ASTN2: variants seen among roughly 807,000 people sequenced by gnomAD.
ASTN2 encodes the protein astrotactin-2.
A neutral mutation model predicts 139.8 loss-of-function variants in ASTN2; 54 were observed. That is an observed-to-expected ratio of 0.39 (90% CI 0.31 to 0.48). The LOEUF (loss-of-function observed/expected upper bound fraction) is 0.48. Ranked by LOEUF, ASTN2 falls within the 20% of genes least tolerant of loss-of-function variation. The pLI is 0.95. For missense variants in ASTN2, 1,565 were observed against 1,725.1 expected, an observed-to-expected ratio of 0.91 and a Z score of 1.64; for synonymous variants, 756 against 719.5, an observed-to-expected ratio of 1.05 and a Z score of -0.81.
At chr9:116,654,734 T>C (rs1004899545) in intron 16 of ASTN2, among the ~76,000 whole-genome samples, 1 of 152,210 alleles carries the variant, frequency 6.6e-6, no homozygotes, top group East Asian at 1.9e-4. Flanking sequence ...GACTATCTTA[T>C]GTTATCTCAT....
chr9:116,779,165 T>C (rs896784411), intron 13 of ASTN2, among the ~76,000 whole-genome samples: 4 of 152,202 alleles, frequency 2.6e-5, no homozygotes, highest in Non-Finnish European at 5.9e-5. Flanking sequence ...ACTCATGTGT[T>C]GCAAATTTAA....
intron 1 of ASTN2, among the ~76,000 whole-genome samples, chr9:117,359,936 G>C (rs996236542): frequency 3.0e-4 from 45 of 152,218 alleles, no homozygotes; most frequent in African/African-American, 1.1e-3. Flanking sequence ...GAGTTAAGAA[G>C]TCAGATGGCG....
chr9:117,022,442 C>CAAAAAAAA (rs143095854), intron 6 of ASTN2, among the ~76,000 whole-genome samples: 1 of 75,424 alleles, frequency 1.3e-5, no homozygotes, highest in African/African-American at 3.8e-5. Flanking sequence ...TATCCCAGGG[C>CAAAAAAAA]AAAAAAAAAA....
In ASTN2 at chr9:117,414,951, T is replaced by C. The variant is rs1224905509; in HGVS notation, c.-13A>G. ...CGGCGGCGGCCATGGCGGGAGGGGCTGCGGTGCTGCGGGCGGCGGCGGCGG... is the reference window on the plus strand; with the variant it reads ...CGGCGGCGGCCATGGCGGGAGGGGCCGCGGTGCTGCGGGCGGCGGCGGCGG... On this transcript the variant is annotated 5_prime_UTR_variant, in exon 1 of 23. Transcript: ENST00000313400. This position sits in a 1 kb window ranked among gnomAD's most constrained non-coding sequence, Gnocchi z 4.2. The C allele has an allele frequency of 7.9e-6, 2 of 252,514 alleles. No individual in the cohort carries two copies. Among genetic ancestry groups the C allele is most frequent in the Non-Finnish European group, 1.3e-5 (2 of 152,586 alleles). The allele number at this position is 252,514 out of a possible 1,614,324, so 15.6% of individuals were successfully genotyped here.
chr9:116,903,955 G>A (rs1834088948), intron 10 of ASTN2, among the ~76,000 whole-genome samples: 1 of 152,120 alleles, frequency 6.6e-6, no homozygotes, highest in South Asian at 2.1e-4. Flanking sequence ...CAGCTTTTGG[G>A]CTTTCCAATG....
At chr9:117,012,165 A>G (rs1287580356) in intron 6 of ASTN2, among the ~76,000 whole-genome samples, 2 of 152,164 alleles carry the variant, frequency 1.3e-5, no homozygotes, top group African/African-American at 4.8e-5. Context: ...TGGAATTGTG[A>G]AGCAGAAATG....
intron 5 of ASTN2, among the ~76,000 whole-genome samples, chr9:117,041,105 G>A (rs997521901): frequency 3.9e-5 from 6 of 152,132 alleles, no homozygotes; most frequent in South Asian, 2.1e-4. Flanking sequence ...GATATAATAC[G>A]AAAAGTAGAT....
chr9:116,628,704 G>C (rs566388606), intron 17 of ASTN2, among the ~76,000 whole-genome samples: 5 of 152,288 alleles, frequency 3.3e-5, no homozygotes, highest in African/African-American at 1.2e-4. Flanking sequence ...CATCAAAAGG[G>C]AACCCTCTTA....
intron 1 of ASTN2, among the ~76,000 whole-genome samples, chr9:117,348,748 TA>T (rs1829300931): frequency 6.6e-6 from 1 of 152,014 alleles, no homozygotes; most frequent in African/African-American, 2.4e-5. Context: ...ACTTGTATTT[TA>T]TAAGTGCCAA....
intron 10 of ASTN2, among the ~76,000 whole-genome samples, chr9:116,923,675 G>A (rs1300780230): frequency 6.6e-6 from 1 of 152,168 alleles, no homozygotes. Context: ...CTGCATTAGG[G>A]CTGGGAAAAT....
intron 16 of ASTN2, among the ~76,000 whole-genome samples, chr9:116,694,232 T>G (rs113347165): frequency 0.014 from 2,074 of 152,230 alleles, 46 homozygotes; most frequent in African/African-American, 0.047. Context: ...TCCAGAAAGC[T>G]TGGGAAATAA....
chr9:116,963,108 A>G (rs1835915607), intron 10 of ASTN2, among the ~76,000 whole-genome samples: 2 of 152,222 alleles, frequency 1.3e-5, no homozygotes. Context: ...ATGCAATATA[A>G]GGCAATGCCC....
At chr9:117,136,933 A>C (rs774788285) in intron 4 of ASTN2, among the ~76,000 whole-genome samples, 1 of 152,234 alleles carries the variant, frequency 6.6e-6, no homozygotes, top group Non-Finnish European at 1.5e-5. Context: ...GCTTAAGAGC[A>C]TTTAGTTAGT....
At chr9:116,687,356 G>T (rs1050172466) in intron 16 of ASTN2, 10 of 690,300 alleles carry the variant, frequency 1.4e-5, no homozygotes, top group Non-Finnish European at 1.8e-5. Flanking sequence ...GCCGGCGGTG[G>T]ACTCGTCGGA....
Position 117,291,491 on chromosome 9 carries a change from G to A in ASTN2, c.465C>T (p.Asp155=), listed in dbSNP as rs777601986. Residue 155 remains aspartate (D), a synonymous_variant, in exon 2 of 23, where the codon GAC becomes GAT. Transcript: ENST00000313400. The part of the protein sequence containing the change: ...FTLEMSGTAA[D]ISLVHWRQQW... ...GCTGTCTCCAGTGCACCAGCGAGAT[G>A]TCCGCTGCTGTGCCAGACATCTCTG... The A allele has an allele frequency of 7.5e-6, 12 of 1,608,864 alleles. No individual in the cohort carries two copies. In the African/African-American group the frequency reaches 1.5e-4, roughly 20 times the overall value.
At chr9:116,474,415 G>A (rs1354816169) in intron 20 of ASTN2, among the ~76,000 whole-genome samples, 2 of 151,592 alleles carry the variant, frequency 1.3e-5, no homozygotes, top group African/African-American at 2.4e-5. Flanking sequence ...GGTTGTTGGT[G>A]GATGGGGGTC....
chr9:116,530,140 TATATATATATAA>T (rs1287145886), intron 19 of ASTN2, among the ~76,000 whole-genome samples: 281 of 26,228 alleles, frequency 0.011, 17 homozygotes, highest in African/African-American at 0.017. Flanking sequence ...TATATATATA[TATATATATATAA>T]AATAGAATAT....
rs551427135 is a variant in ASTN2 at position 116,996,999 on chromosome 9, C to T, written c.1591+11093G>A. Among the ~76,000 whole-genome samples the T allele has an allele frequency of 1.6e-3, 245 of 152,068 alleles. 1 individual carries two copies. In the Middle Eastern group the frequency reaches 0.02, roughly 13 times the overall value. On this transcript the variant is annotated intron_variant, in intron 7 of 22. Transcript: ENST00000313400. ...CTGGTCTTAAAAGCTGAGCACTTCC[C>T]CTTTTTGGTACCTATAATCATCAGA...
chr9:116,596,370 C>T (rs1484314792), intron 19 of ASTN2, among the ~76,000 whole-genome samples: 1 of 152,146 alleles, frequency 6.6e-6, no homozygotes, highest in Non-Finnish European at 1.5e-5. Context: ...AAACATAGCA[C>T]CTATAGTGAA....
Sources: gnomAD v4.1 joint callset for allele counts (sites outside exome capture counted in the v4.1 genomes callset) on GRCh38, gnomAD v4.1.1 for gene constraint, Gnocchi (gnomAD v3.1) non-coding constraint, MANE v1.5 for transcripts, NCBI Gene and HGNC (gene_info 2026-07-23, HGNC 2026-07-21) for gene names.